Variants in LOC400499 observed in about 807,000 individuals in gnomAD.
At chr16:11,413,928 C>T in the LOC400499 span, among the ~76,000 whole-genome samples, 1 of 152,208 alleles carries the variant, frequency 6.6e-6, no homozygotes, top group Non-Finnish European at 1.5e-5. Flanking sequence ...GGGATCTGAA[C>T]ATCGGAGAGG....
the LOC400499 span, chr16:11,392,262 T>C: frequency 2.5e-6 from 1 of 399,040 alleles, no homozygotes; most frequent in Non-Finnish European, 4.4e-6. Flanking sequence ...CGGGGGCCTC[T>C]GCCCAGTGGG....
At chr16:11,440,813 C>T in the LOC400499 span, 1 of 399,084 alleles carries the variant, frequency 2.5e-6, no homozygotes, top group Non-Finnish European at 4.4e-6. Context: ...ATGATGCCCC[C>T]ATCCAAGCTC....
At chr16:11,450,297 T>A in the LOC400499 span, among the ~76,000 whole-genome samples, 1 of 152,284 alleles carries the variant, frequency 6.6e-6, no homozygotes, top group Non-Finnish European at 1.5e-5. Flanking sequence ...ATTTTCACTC[T>A]GTTTTTTTGG....
the LOC400499 span, chr16:11,414,615 C>G: frequency 2.5e-6 from 1 of 398,858 alleles, no homozygotes; most frequent in East Asian, 3.6e-5. Flanking sequence ...CCCTCAAACA[C>G]AACACCAGCA....
chr16:11,399,472 C>T, the LOC400499 span: 1 of 399,404 alleles, frequency 2.5e-6, no homozygotes, highest in Admixed American at 4.4e-5. Context: ...CTGACCTCAC[C>T]TCGTAGGTCA....
At chr16:11,441,575 C>A in the LOC400499 span, among the ~76,000 whole-genome samples, 2 of 152,166 alleles carry the variant, frequency 1.3e-5, no homozygotes, top group African/African-American at 4.8e-5. Context: ...AATATGTGAC[C>A]TTTCATGGCA....
At chr16:11,390,039 G>A in the LOC400499 span, 1 of 1,058,168 alleles carries the variant, frequency 9.5e-7, no homozygotes, top group Non-Finnish European at 1.2e-6. Context: ...AGGTGTCAAA[G>A]CATTCAGCAC....
the LOC400499 span, chr16:11,446,412 C>G: frequency 2.7e-6 from 2 of 748,546 alleles, no homozygotes; most frequent in East Asian, 2.7e-5. Flanking sequence ...CTCACCTCAG[C>G]CTCCTGCGTA....
the LOC400499 span, among the ~76,000 whole-genome samples, chr16:11,490,301 C>T: frequency 6.7e-6 from 1 of 148,840 alleles, no homozygotes; most frequent in East Asian, 2.0e-4. Context: ...GAGGCTGAGT[C>T]AGGGGAATTG....
chr16:11,494,658 G>T, the LOC400499 span: 2 of 399,464 alleles, frequency 5.0e-6, no homozygotes, highest in East Asian at 7.1e-5. Flanking sequence ...CCGACTCCAG[G>T]CAGCTGGCCG....
the LOC400499 span, chr16:11,460,086 G>T: frequency 7.6e-7 from 1 of 1,318,598 alleles, no homozygotes; most frequent in Non-Finnish European, 9.7e-7. Flanking sequence ...AACTGCCCAT[G>T]GAGGCCCTGC....
the LOC400499 span, among the ~76,000 whole-genome samples, chr16:11,489,246 C>T: frequency 3.9e-5 from 6 of 152,176 alleles, no homozygotes; most frequent in Non-Finnish European, 8.8e-5. Context: ...AGAAGTCAGA[C>T]CTGATTTCAA....
At chr16:11,407,466 A>T in the LOC400499 span, 2 of 395,562 alleles carry the variant, frequency 5.1e-6, no homozygotes, top group Non-Finnish European at 8.9e-6. Flanking sequence ...GGCCCAAGAG[A>T]CCCACAACTC....
the LOC400499 span, chr16:11,398,622 A>G: frequency 1.1e-5 from 9 of 829,168 alleles, no homozygotes; most frequent in Non-Finnish European, 1.1e-5. Context: ...ATGTGCCGTC[A>G]GAGCTCTCAT....
At chr16:11,402,434 T>C in the LOC400499 span, among the ~76,000 whole-genome samples, 1 of 152,196 alleles carries the variant, frequency 6.6e-6, no homozygotes, top group Admixed American at 6.5e-5. Context: ...TCCCCAGCCC[T>C]TGAAGCTGGG....
chr16:11,436,338 G>A, the LOC400499 span, among the ~76,000 whole-genome samples: 2 of 152,142 alleles, frequency 1.3e-5, no homozygotes, highest in African/African-American at 4.8e-5. Context: ...CAAAGAGGAT[G>A]GCATCTGGGT....
chr16:11,467,713 A>G, the LOC400499 span, among the ~76,000 whole-genome samples: 333 of 152,350 alleles, frequency 2.2e-3, no homozygotes, highest in Middle Eastern at 6.8e-3. Flanking sequence ...TTACATCATC[A>G]TATCACTCAC....
At chr16:11,500,756 G>C in the LOC400499 span, 1 of 399,024 alleles carries the variant, frequency 2.5e-6, no homozygotes, top group Non-Finnish European at 4.4e-6. Flanking sequence ...CAGCAGCCAA[G>C]CCACGGAGGG....
At chr16:11,475,323 G>A in the LOC400499 span, among the ~76,000 whole-genome samples, 6 of 152,114 alleles carry the variant, frequency 3.9e-5, no homozygotes, top group African/African-American at 1.4e-4. Context: ...AGAACTTAAA[G>A]TAAAATAAAA....
Sources: gnomAD v4.1 joint callset for allele counts (sites outside exome capture counted in the v4.1 genomes callset) on GRCh38, gnomAD v4.1.1 for gene constraint, MANE v1.5 for transcripts.